MAPK10: variants seen among roughly 807,000 people sequenced by gnomAD.
MAPK10 encodes mitogen-activated protein kinase 10, also known as JNK3 alpha protein kinase.
MAPK10 carries 25 observed loss-of-function variants against 59.3 expected under a neutral mutation model. That is an observed-to-expected ratio of 0.42 (90% confidence interval 0.31 to 0.59). The LOEUF is 0.59. Ranked by LOEUF, MAPK10 falls within the 20% of genes least tolerant of loss-of-function variation. The pLI, the probability that MAPK10 is intolerant of heterozygous loss-of-function variation, is 0.15. For missense variants in MAPK10, 351 were observed against 568.9 expected, an observed-to-expected ratio of 0.62 and a Z score of 3.90; for synonymous variants, 190 against 200.5, an observed-to-expected ratio of 0.95 and a Z score of 0.44.
At chr4:86,560,216 C>T (rs932874201) in intron 1 of MAPK10, among the ~76,000 whole-genome samples, 1 of 152,106 alleles carries the variant, frequency 6.6e-6, no homozygotes, top group Non-Finnish European at 1.5e-5. Context: ...AATGACAAGA[C>T]TTTTCAATAT....
chr4:86,351,749 C>A (rs1731626041), intron 2 of MAPK10, among the ~76,000 whole-genome samples: 1 of 151,984 alleles, frequency 6.6e-6, no homozygotes, highest in Non-Finnish European at 1.5e-5. Flanking sequence ...GATTTAACCT[C>A]TCTAAACCTT....
Position 86,174,059 on chromosome 4 carries a change from G to A in MAPK10, c.67-14592C>T, listed in dbSNP as rs191515855. 6.2e-4 allele frequency among the ~76,000 whole-genome samples: 94 copies of A among 152,326 alleles called. 1 individual carries two copies. Among genetic ancestry groups the A allele is most frequent in the Non-Finnish European group, 1.2e-3 (81 of 68,034 alleles). ...TACTTCAACCACTGTGGAAGACAGT[G>A]TGGTAATTCCTCAAGGATCTAGAAC... On this transcript the variant is annotated intron_variant, in intron 3 of 13. Coordinates refer to ENST00000641462, the MANE Select transcript of MAPK10 (RefSeq NM_138982.4).
At chr4:86,519,000 T>G (rs1756916557) in intron 1 of MAPK10, among the ~76,000 whole-genome samples, 4 of 152,200 alleles carry the variant, frequency 2.6e-5, no homozygotes, top group Admixed American at 2.6e-4. Flanking sequence ...ATTTCGATTT[T>G]TTTAATTTAC....
intron 1 of MAPK10, among the ~76,000 whole-genome samples, chr4:86,553,624 G>A (rs1404772021): frequency 2.0e-5 from 3 of 152,134 alleles, no homozygotes; most frequent in East Asian, 1.9e-4. Context: ...GCACTTTCAG[G>A]TATGCTGGGG....
chr4:86,273,513 C>A (rs190879370), intron 2 of MAPK10, among the ~76,000 whole-genome samples: 69 of 152,020 alleles, frequency 4.5e-4, no homozygotes, highest in African/African-American at 1.6e-3. Flanking sequence ...TGCCTATTAT[C>A]TCCAGAGAAT....
intron 11 of MAPK10, among the ~76,000 whole-genome samples, chr4:86,032,731 C>G (rs1243816756): frequency 6.6e-6 from 1 of 152,196 alleles, no homozygotes; most frequent in African/African-American, 2.4e-5. Flanking sequence ...CATCCTAGCC[C>G]TGGCATGCTG....
Position 86,341,955 on chromosome 4 carries a change from G to T in MAPK10, c.-7+12575C>A, listed in dbSNP as rs775648887. ...AGATGAGGAAACTGAAGCGTAAGAG[G>T]TTACGTGACCTAACCAGGATCTCAT... On this transcript the variant is annotated intron_variant, in intron 2 of 13. Transcript: ENST00000641462. Among the ~76,000 whole-genome samples, 27 of 152,224 alleles carry T rather than the reference G, an allele frequency of 1.8e-4. No homozygotes were observed. The Middle Eastern group carries it at 0.01, about 58-fold the overall frequency.
At chr4:86,053,489 C>A (rs2043955816) in intron 11 of MAPK10, among the ~76,000 whole-genome samples, 1 of 152,072 alleles carries the variant, frequency 6.6e-6, no homozygotes, top group Non-Finnish European at 1.5e-5. Context: ...AATTTTGTAG[C>A]CTCTACTTAT....
chr4:86,161,662 T>G (rs1022398888), intron 3 of MAPK10, among the ~76,000 whole-genome samples: 1 of 152,128 alleles, frequency 6.6e-6, no homozygotes, highest in African/African-American at 2.4e-5. Context: ...ATTCTGTTTC[T>G]GACCACACAC....
In MAPK10 at chr4:86,258,362, T is replaced by C. The variant is rs1032819728; in HGVS notation, c.-6-63955A>G. Among the ~76,000 whole-genome samples, 10 of 152,160 alleles carry C rather than the reference T, an allele frequency of 6.6e-5. 1 individual carries two copies. Among genetic ancestry groups the C allele is most frequent in the Non-Finnish European group, 1.5e-4 (10 of 68,016 alleles). The stretch of plus-strand genomic sequence containing the variant: ...TACTATTCTCTCTTCCCCATTTTCC[T>C]TGTTCTCAGGTGCCTCCTCCTATAA... On this transcript the variant is annotated intron_variant, in intron 2 of 13. Transcript: ENST00000641462.
intron 4 of MAPK10, among the ~76,000 whole-genome samples, chr4:86,158,644 A>T (rs973978866): frequency 6.6e-6 from 1 of 151,908 alleles, no homozygotes; most frequent in Admixed American, 6.6e-5. Flanking sequence ...GACATTACAA[A>T]TTAAAACTGT....
At chr4:86,578,467 A>C (rs1762046146) in intron 1 of MAPK10, among the ~76,000 whole-genome samples, 1 of 152,194 alleles carries the variant, frequency 6.6e-6, no homozygotes, top group African/African-American at 2.4e-5. Context: ...AAAAAGCTGG[A>C]AGAATTAAAG....
intron 1 of MAPK10, among the ~76,000 whole-genome samples, chr4:86,592,873 C>T (rs889515785): frequency 6.6e-6 from 1 of 152,194 alleles, no homozygotes; most frequent in African/African-American, 2.4e-5. Context: ...TAGCTGCTAC[C>T]TACTCAAAGT....
rs115161946 is a variant in MAPK10, at chr4:86,451,276, C to T, written c.-122+1754G>A. Among the ~76,000 whole-genome samples the T allele has an allele frequency of 6.1e-3, 924 of 152,162 alleles. 7 individuals are homozygous for T. Among genetic ancestry groups the T allele is most frequent in the African/African-American group, 0.02 (823 of 41,512 alleles). On this transcript the variant is annotated intron_variant, in intron 1 of 13. Transcript: ENST00000361569. ...CCTACACTGTTATCCCCAAACCTTC[C>T]AGAAACCCAGTATACGAACAGCCTT...
chr4:86,186,082 T>C (rs971352901), intron 3 of MAPK10, among the ~76,000 whole-genome samples: 6 of 152,146 alleles, frequency 3.9e-5, no homozygotes, highest in Non-Finnish European at 7.4e-5. Context: ...AATTTAATCA[T>C]CTATTTAACA....
intron 1 of MAPK10, among the ~76,000 whole-genome samples, chr4:86,524,971 G>A (rs1273580473): frequency 4.6e-5 from 7 of 150,730 alleles, no homozygotes; most frequent in Non-Finnish European, 2.9e-5. Flanking sequence ...TTCTTCAGGC[G>A]TTAGCAAGCT....
intron 2 of MAPK10, among the ~76,000 whole-genome samples, chr4:86,298,908 G>A (rs553891021): frequency 6.6e-6 from 1 of 152,296 alleles, no homozygotes; most frequent in Admixed American, 6.5e-5. Context: ...AAAAAAATGA[G>A]GACAGAAAAA....
chr4:86,177,232 T>TG lies in MAPK10; in HGVS notation c.66+17103dup, dbSNP rs113305214. ...AGGTGAAGACTCTAAATTGAGTTTT[T>TG]GGGGGGTTCAGGCAGTCCTCCCAAA... On this transcript the variant is annotated intron_variant, in intron 3 of 13. Coordinates refer to ENST00000641462, the MANE Select transcript of MAPK10 (RefSeq NM_138982.4). Among the ~76,000 whole-genome samples, 35 of 152,160 alleles carry TG rather than the reference T, an allele frequency of 2.3e-4. No homozygotes were observed. In the Middle Eastern group the frequency reaches 0.01, roughly 44 times the overall value.
intron 1 of MAPK10, among the ~76,000 whole-genome samples, chr4:86,536,895 T>C (rs1758283953): frequency 6.6e-6 from 1 of 152,186 alleles, no homozygotes; most frequent in African/African-American, 2.4e-5. Context: ...ATAAAGCCTT[T>C]CAGCAGAGAC....
Sources: gnomAD v4.1 joint callset for allele counts (sites outside exome capture counted in the v4.1 genomes callset) on GRCh38, gnomAD v4.1.1 for gene constraint, MANE v1.5 for transcripts, NCBI Gene and HGNC (gene_info 2026-07-23, HGNC 2026-07-21) for gene names.